The following POLN variants were observed in gnomAD, a reference collection of about 807,000 sequenced individuals.
POLN encodes the protein DNA polymerase N.
In POLN, 108 loss-of-function variants were observed where a neutral mutation model predicts 113.5. The ratio of observed to expected loss-of-function variants is 0.95; its 90% CI spans 0.81 to 1.12. POLN has a LOEUF of 1.12. Among genes scored for constraint, POLN ranks in the 50% most tolerant of loss-of-function variants. The pLI is 0.00. For missense variants in POLN, 1,097 were observed against 1,077.1 expected, an observed-to-expected ratio of 1.02 and a Z score of -0.26; for synonymous variants, 386 against 391.5, an observed-to-expected ratio of 0.99 and a Z score of 0.17.
intron 19 of POLN, among the ~76,000 whole-genome samples, chr4:2,117,243 A>T (rs1731339520): frequency 6.6e-6 from 1 of 152,218 alleles, no homozygotes; most frequent in South Asian, 2.1e-4. Flanking sequence ...ATTTCCATTC[A>T]CATCACTGGC....
chr4:2,240,847 CG>C (rs1354610399), intron 2 of POLN: 1 of 1,613,288 alleles, frequency 6.2e-7, no homozygotes, highest in Non-Finnish European at 8.5e-7. Flanking sequence ...TCATCTTCAA[CG>C]CCCTCAAACA....
At chr4:2,166,224 C>G (rs1429375739) in intron 13 of POLN, among the ~76,000 whole-genome samples, 1 of 152,226 alleles carries the variant, frequency 6.6e-6, no homozygotes, top group African/African-American at 2.4e-5. Flanking sequence ...TCAACCCCAT[C>G]CCTCCCATTC....
intron 2 of POLN, chr4:2,236,315 AGAAT>A: frequency 6.2e-7 from 1 of 1,613,808 alleles, no homozygotes; most frequent in Non-Finnish European, 8.5e-7. Flanking sequence ...ACAGAAAGAA[AGAAT>A]GTTCTTGAGC....
intron 3 of POLN, among the ~76,000 whole-genome samples, chr4:2,220,383 C>A (rs985597955): frequency 6.6e-6 from 1 of 152,204 alleles, no homozygotes; most frequent in Non-Finnish European, 1.5e-5. Context: ...AGTCAATCCC[C>A]GTGGGCAGCT....
intron 2 of POLN, among the ~76,000 whole-genome samples, chr4:2,232,582 G>A (rs1734620967): frequency 6.6e-6 from 1 of 152,184 alleles, no homozygotes. Flanking sequence ...AAGGTACAGA[G>A]AAAGTTGAAA....
chr4:2,121,113 A>AG (rs1425299411), intron 19 of POLN, among the ~76,000 whole-genome samples: 1 of 151,950 alleles, frequency 6.6e-6, no homozygotes, highest in Admixed American at 6.6e-5. Flanking sequence ...TCCTGATCTT[A>AG]GGGGGAAGGC....
intron 16 of POLN, among the ~76,000 whole-genome samples, chr4:2,149,317 AAACAAAC>A (rs1732231435): frequency 6.6e-6 from 1 of 151,990 alleles, no homozygotes; most frequent in South Asian, 2.1e-4. Flanking sequence ...ACAAACAAAC[AAACAAAC>A]AACAAAAACC....
At chr4:2,140,380 A>G (rs780690444) in intron 16 of POLN, among the ~76,000 whole-genome samples, 3 of 152,118 alleles carry the variant, frequency 2.0e-5, no homozygotes, top group Non-Finnish European at 4.4e-5. Flanking sequence ...CCTGGCCAGG[A>G]TTTGTTAAAT....
At chr4:2,169,128 C>A (rs1032255969) in intron 13 of POLN, among the ~76,000 whole-genome samples, 2 of 152,158 alleles carry the variant, frequency 1.3e-5, no homozygotes, top group African/African-American at 2.4e-5. Context: ...GAGCTGCAGG[C>A]AGCTCAGCAG....
chr4:2,206,393 T>C (rs1733842394), intron 5 of POLN, among the ~76,000 whole-genome samples: 1 of 152,134 alleles, frequency 6.6e-6, no homozygotes, highest in African/African-American at 2.4e-5. Context: ...CAAAGATAAA[T>C]AGCTGGGACT....
chr4:2,173,212 C>T (rs1732908321), intron 11 of POLN, among the ~76,000 whole-genome samples: 1 of 152,134 alleles, frequency 6.6e-6, no homozygotes, highest in Non-Finnish European at 1.5e-5. Context: ...AAAGTCTGTG[C>T]TTTGAACCAG....
At chr4:2,198,817 A>G in intron 5 of POLN, 100 bp from the exon 6 acceptor site, 2 of 1,139,012 alleles carry the variant, frequency 1.8e-6, no homozygotes, top group Non-Finnish European at 2.4e-6. Flanking sequence ...AAAGGCCTAA[A>G]ATTAAACTTG....
At chr4:2,189,642 CAA>C (rs1238000727) in intron 7 of POLN, among the ~76,000 whole-genome samples, 1 of 134,504 alleles carries the variant, frequency 7.4e-6, no homozygotes, top group Non-Finnish European at 1.6e-5. Flanking sequence ...CCATCTCAAA[CAA>C]AAAAAAAAGA....
intron 2 of POLN, chr4:2,236,441 C>T (rs1734770821): frequency 1.2e-6 from 2 of 1,609,082 alleles, no homozygotes; most frequent in Admixed American, 3.3e-5. Flanking sequence ...TCTCTCCCTC[C>T]AAAACTTGGT....
chr4:2,212,928 CT>C (rs1023984267), intron 4 of POLN, 118 bp downstream of exon 4: 34,620 of 442,510 alleles, frequency 0.078, no homozygotes, highest in Middle Eastern at 0.098. Flanking sequence ...AAGAACGCCT[CT>C]TTTTTTTTTT....
chr4:2,138,465 G>C (rs1248761976), intron 16 of POLN, among the ~76,000 whole-genome samples: 2 of 152,204 alleles, frequency 1.3e-5, no homozygotes, highest in Non-Finnish European at 2.9e-5. Context: ...CAGGCAACAA[G>C]GGTGGGGACA....
rs1430580916 is a variant in POLN, at chr4:2,127,973, T to G, written c.1982+140A>C. The G allele has an allele frequency of 1.9e-5, 12 of 616,704 alleles. No homozygotes were observed. Among genetic ancestry groups the G allele is most frequent in the African/African-American group, 3.7e-5 (2 of 53,368 alleles). 38.2% of individuals were successfully genotyped at this position (616,704 alleles called of 1,614,324 possible). On this transcript the variant is annotated intron_variant, in intron 19 of 25. Transcript: ENST00000511885. The surrounding 1 kb of genome is among the most constrained non-coding windows in gnomAD (Gnocchi z 4.7). ...CTCATGGCATCCTAGTTATCTACTC[T>G]TCTTTTCAAAATGATTAGCTATTAG...
At chr4:2,192,830 T>G (rs1440577407) in intron 7 of POLN, among the ~76,000 whole-genome samples, 2 of 150,516 alleles carry the variant, frequency 1.3e-5, no homozygotes, top group African/African-American at 4.8e-5. Context: ...TATATATATT[T>G]AAAATCTTTA....
intron 4 of POLN, among the ~76,000 whole-genome samples, chr4:2,210,630 T>TAATAATAAA (rs1009445902): frequency 4.5e-5 from 4 of 88,606 alleles, no homozygotes; most frequent in Non-Finnish European, 6.2e-5. Context: ...ATAATAATAA[T>TAATAATAAA]AAAAAAAAGA....
Sources: gnomAD v4.1 joint callset for allele counts (sites outside exome capture counted in the v4.1 genomes callset) on GRCh38, gnomAD v4.1.1 for gene constraint, Gnocchi (gnomAD v3.1) non-coding constraint, MANE v1.5 for transcripts, NCBI Gene and HGNC (gene_info 2026-07-23, HGNC 2026-07-21) for gene names.